Variants in IGLON5 observed in about 807,000 individuals in gnomAD.
IGLON5 encodes Ig-like domain-containing protein ENSP00000270642.
In IGLON5, 16 loss-of-function variants were observed where a neutral mutation model predicts 38.2. The ratio of observed to expected loss-of-function variants is 0.42; its 90% CI spans 0.28 to 0.64. The LOEUF (loss-of-function observed/expected upper bound fraction) is 0.64. IGLON5 is among the 30% of genes least tolerant of loss of function. IGLON5 has a pLI of 0.23. For synonymous variants in IGLON5, 207 were observed against 216.4 expected, an observed-to-expected ratio of 0.96 and a Z score of 0.38; for missense variants, 366 against 483.4, an observed-to-expected ratio of 0.76 and a Z score of 2.28.
At chr19:51,316,740 C>T (rs1033390143) in intron 1 of IGLON5, among the ~76,000 whole-genome samples, 14 of 152,028 alleles carry the variant, frequency 9.2e-5, no homozygotes, top group Non-Finnish European at 2.1e-4. Context: ...GCAATCCATC[C>T]GCCTTGGCCT....
intron 1 of IGLON5, 115 bp from the exon 2 acceptor site, chr19:51,321,949 C>T (rs956469023): frequency 1.3e-5 from 11 of 829,910 alleles, no homozygotes; most frequent in African/African-American, 5.0e-5. Context: ...TGTGTGGCAG[C>T]GGGTGCAGGA....
At chr19:51,326,954 A>C in intron 5 of IGLON5, 56 bp downstream of exon 5, 1 of 1,571,552 alleles carries the variant, frequency 6.4e-7, no homozygotes, top group South Asian at 1.2e-5. Context: ...GTCCCTGGGG[A>C]GGAGGGATCT....
Position 51,329,249 on chromosome 19 carries a change from G to A in IGLON5, c.*490G>A, listed in dbSNP as rs1020873021. 2 of 152,738 alleles carry A rather than the reference G, an allele frequency of 1.3e-5. No homozygotes were observed. The highest frequency in any genetic ancestry group is 4.8e-5 in the African/African-American group (2 of 41,408). 9.5% of individuals were successfully genotyped at this position (152,738 alleles called of 1,614,324 possible). On this transcript the variant is annotated 3_prime_UTR_variant, in exon 8 of 8. Coordinates refer to ENST00000270642, the MANE Select transcript of IGLON5 (RefSeq NM_001101372.3). The surrounding 1 kb of genome is among the most constrained non-coding windows in gnomAD (Gnocchi z 4.3). ...TGGCTGGAGGTAGGTATGAGGCTCT[G>A]CAGTGGAAGCTGTGAAGAGAGGCTT...
At chr19:51,320,710 G>A (rs1240379848) in intron 1 of IGLON5, among the ~76,000 whole-genome samples, 1 of 152,148 alleles carries the variant, frequency 6.6e-6, no homozygotes, top group African/African-American at 2.4e-5. Flanking sequence ...CATCTGTGAT[G>A]GATGTGTGTC....
rs1339749391 is a variant in IGLON5 at position 51,330,604 on chromosome 19, A to C, written c.*1845A>C. Among the ~76,000 whole-genome samples the C allele has an allele frequency of 6.6e-6, 1 of 152,158 alleles. No individual in the cohort carries two copies. The highest frequency in any genetic ancestry group is 2.4e-5 in the African/African-American group (1 of 41,448). The stretch of plus-strand genomic sequence containing the variant: ...CTAATGAGAAAGTGAATGGATTCCC[A>C]AGAAGAGATGCTTTTCTGCTGGATA... On this transcript the variant is annotated 3_prime_UTR_variant, in exon 8 of 8. Transcript: ENST00000270642.
rs866664122 is a variant in IGLON5, at chr19:51,318,470, C to T, written c.80-3594C>T. ...ACCAGATAATAAAGCCCTGACCAGG[C>T]ACTCTGGCTCACGCCTGCAATACCA... On this transcript the variant is annotated intron_variant, in intron 1 of 7. Coordinates refer to ENST00000270642, the MANE Select transcript of IGLON5 (RefSeq NM_001101372.3). Among the ~76,000 whole-genome samples the T allele has an allele frequency of 3.9e-5, 6 of 152,276 alleles. No individual in the cohort carries two copies. The South Asian group carries it at 6.2e-4, about 16-fold the overall frequency.
chr19:51,321,892 G>C (rs1335030692), intron 1 of IGLON5, among the ~76,000 whole-genome samples, 172 bp from the exon 2 acceptor site: 1 of 152,252 alleles, frequency 6.6e-6, no homozygotes, highest in Non-Finnish European at 1.5e-5. Flanking sequence ...GCGGGTGCAG[G>C]AGACGTCTGT....
intron 5 of IGLON5, 71 bp downstream of exon 5, chr19:51,326,969 G>A (rs1985232308): frequency 7.0e-6 from 11 of 1,574,662 alleles, no homozygotes; most frequent in Non-Finnish European, 9.5e-6. Context: ...GGATCTGGGG[G>A]AAGAGGAAGC....
rs574463998 is a variant in IGLON5 at position 51,317,755 on chromosome 19, C to T, written c.80-4309C>T. 5.3e-5 allele frequency among the ~76,000 whole-genome samples: 8 copies of T among 152,274 alleles called. No individual in the cohort carries two copies. The East Asian group carries it at 1.5e-3, about 29-fold the overall frequency. On this transcript the variant is annotated intron_variant, in intron 1 of 7. Transcript: ENST00000270642. The stretch of plus-strand genomic sequence containing the variant: ...CATTTATTGGGTTCTTTCCGAATGC[C>T]AACAGCTGAGCTAGACACTTCTGCT...
At chr19:51,328,019 G>A in intron 7 of IGLON5, 133 bp downstream of exon 7, 1 of 970,996 alleles carries the variant, frequency 1.0e-6, no homozygotes, top group Non-Finnish European at 1.5e-6. Context: ...GAAAAGCAAT[G>A]CGAGTAAGAA....
chr19:51,329,395 A>G lies in IGLON5; in HGVS notation c.*636A>G, dbSNP rs1162179788. On this transcript the variant is annotated 3_prime_UTR_variant, in exon 8 of 8. Transcript: ENST00000270642. The surrounding 1 kb of genome is among the most constrained non-coding windows in gnomAD (Gnocchi z 4.3). ...GCACTCACCTGTCAAGCTGTCATTC[A>G]GCCTTTGTGAGTAAGTGGGGGACCT... The G allele has an allele frequency of 6.6e-6, 1 of 152,188 alleles. No homozygotes were observed. Among genetic ancestry groups the G allele is most frequent in the Non-Finnish European group, 1.5e-5 (1 of 68,054 alleles). 9.4% of individuals were successfully genotyped at this position (152,188 alleles called of 1,614,324 possible). A position where few individuals can be genotyped will look rare whatever the true frequency, so the allele number is the denominator to read the frequency against.
chr19:51,319,326 TGC>T (rs753369133), intron 1 of IGLON5, among the ~76,000 whole-genome samples: 4 of 144,230 alleles, frequency 2.8e-5, no homozygotes, highest in Non-Finnish European at 6.1e-5. Flanking sequence ...TGTGTGTGTG[TGC>T]GTCCAGCCGT....
At chr19:51,320,315 C>T (rs116517690) in intron 1 of IGLON5, among the ~76,000 whole-genome samples, 3,554 of 152,268 alleles carry the variant, frequency 0.023, 152 homozygotes, top group African/African-American at 0.081. Context: ...AGAGGGCCCC[C>T]GGGAGTCATT....
chr19:51,326,647 G>T (rs559026312), intron 4 of IGLON5, 117 bp from the exon 5 acceptor site: 1 of 81,724 alleles, frequency 1.2e-5, no homozygotes. Context: ...CCATTGACCC[G>T]GGCACTCCAG....
chr19:51,328,948 C>A lies in IGLON5; in HGVS notation c.*189C>A. The A allele has an allele frequency of 2.0e-6, 1 of 503,974 alleles. No individual in the cohort carries two copies. 31.2% of individuals were successfully genotyped at this position (503,974 alleles called of 1,614,324 possible). ...GAGAACCCATCACTGTGAGGGATAACGCAAAATTATGCATCTTTCTACAGC... is the reference window on the plus strand; with the variant it reads ...GAGAACCCATCACTGTGAGGGATAAAGCAAAATTATGCATCTTTCTACAGC... On this transcript the variant is annotated 3_prime_UTR_variant, in exon 8 of 8. Transcript: ENST00000270642.
intron 2 of IGLON5, among the ~76,000 whole-genome samples, chr19:51,323,198 C>G (rs751584619): frequency 1.3e-5 from 2 of 150,204 alleles, no homozygotes; most frequent in African/African-American, 2.5e-5. Context: ...CTCTCTCTCT[C>G]TTTCTCTCTC....
Position 51,311,923 on chromosome 19 carries a change from C to A in IGLON5, c.76C>A (p.Arg26=). Residue 26 remains arginine, a synonymous_variant, in exon 1 of 8, where the codon CGA becomes AGA. Transcript: ENST00000270642. ...CCTGGCCGGCTTGGCCGTCATCAGC[C>A]GAGGTACCGCAGCGCCGGGGGCGGG... The part of the protein sequence containing the change: ...AALAGLAVIS[R]GLLSQSLEFN... 1 of 1,345,482 alleles carries A rather than the reference C, an allele frequency of 7.4e-7. No homozygotes were observed. The highest frequency in any genetic ancestry group is 1.8e-5 in the South Asian group (1 of 55,780). The allele number at this position is 1,345,482 out of a possible 1,614,324, so 83.3% of individuals were successfully genotyped here.
intron 1 of IGLON5, among the ~76,000 whole-genome samples, chr19:51,318,581 A>C (rs1026973763): frequency 6.6e-6 from 1 of 151,972 alleles, no homozygotes; most frequent in Non-Finnish European, 1.5e-5. Flanking sequence ...CTTAAAAAAA[A>C]AAAAGTAGCC....
chr19:51,320,053 G>A (rs982333098), intron 1 of IGLON5, among the ~76,000 whole-genome samples: 14 of 152,118 alleles, frequency 9.2e-5, no homozygotes, highest in African/African-American at 2.7e-4. Flanking sequence ...GTGTGCACGC[G>A]CGTGCACGCG....
Sources: gnomAD v4.1 joint callset for allele counts (sites outside exome capture counted in the v4.1 genomes callset) on GRCh38, gnomAD v4.1.1 for gene constraint, Gnocchi (gnomAD v3.1) non-coding constraint, MANE v1.5 for transcripts, NCBI Gene and HGNC (gene_info 2026-07-23, HGNC 2026-07-21) for gene names.